The following PNLIP variants were observed in gnomAD, a reference collection of about 807,000 sequenced individuals.
PNLIP encodes pancreatic triacylglycerol lipase.
PNLIP carries 49 observed loss-of-function variants against 57.1 expected under a neutral mutation model. That is an observed-to-expected ratio of 0.86 (90% confidence interval 0.68 to 1.09). The LOEUF (loss-of-function observed/expected upper bound fraction) is 1.09, where lower values mean the gene tolerates loss of function less well. PNLIP is among the 50% of genes least tolerant of loss of function. The probability of loss-of-function intolerance (pLI) is 0.00; values close to 1 mark genes in which losing one functional copy is unlikely to be tolerated. For missense variants in PNLIP, 503 were observed against 570.2 expected, an observed-to-expected ratio of 0.88 and a Z score of 1.20; for synonymous variants, 209 against 200.4, an observed-to-expected ratio of 1.04 and a Z score of -0.36.
intron 9 of PNLIP, among the ~76,000 whole-genome samples, chr10:116,558,237 A>G (rs1414001974): frequency 7.1e-6 from 1 of 141,402 alleles, no homozygotes. Flanking sequence ...TCGCTCTGTC[A>G]CCCAGGCTGG....
At chr10:116,557,218 T>A (rs1158506741) in intron 9 of PNLIP, among the ~76,000 whole-genome samples, 1 of 152,100 alleles carries the variant, frequency 6.6e-6, no homozygotes, top group Non-Finnish European at 1.5e-5. Context: ...GGGAAAAAAA[T>A]AAAGAAGCAA....
chr10:116,556,757 C>T (rs1847258554), intron 9 of PNLIP, among the ~76,000 whole-genome samples: 1 of 151,342 alleles, frequency 6.6e-6, no homozygotes, highest in Non-Finnish European at 1.5e-5. Context: ...ATTGACTTTG[C>T]TTTGTACCAT....
chr10:116,554,324 ATAAC>A (rs1446341233), intron 6 of PNLIP, among the ~76,000 whole-genome samples: 1 of 152,232 alleles, frequency 6.6e-6, no homozygotes, highest in East Asian at 1.9e-4. Context: ...TGAAATTTGT[ATAAC>A]TAATTATATT....
At chr10:116,566,528 A>G (rs1847369164) in intron 12 of PNLIP, among the ~76,000 whole-genome samples, 1 of 152,078 alleles carries the variant, frequency 6.6e-6, no homozygotes, top group Non-Finnish European at 1.5e-5. Flanking sequence ...GTGTGTGTGA[A>G]AACGTATCAA....
At position 116,556,534 on chromosome 10, in the gene PNLIP, AT is replaced by A. The variant is rs921720663; in HGVS notation, c.930+425del. ...TCTGTGCAATTTCATAATGGCCAAA[AT>A]TTTTTTTTGAATTTTCATCTTATTT... On this transcript the variant is annotated intron_variant, in intron 9 of 12. Coordinates refer to ENST00000369221, the MANE Select transcript of PNLIP (RefSeq NM_000936.4). 2.8e-3 allele frequency among the ~76,000 whole-genome samples: 427 copies of A among 151,770 alleles called. 2 individuals are homozygous for A. The highest frequency in any genetic ancestry group is 9.8e-3 in the African/African-American group (404 of 41,408).
chr10:116,548,624 G>C, intron 4 of PNLIP, 142 bp downstream of exon 4: 2 of 898,998 alleles, frequency 2.2e-6, no homozygotes, highest in Non-Finnish European at 3.4e-6. Flanking sequence ...GAGTTCCTAG[G>C]GGAGGTCAAG....
At chr10:116,546,070 A>C in intron 1 of PNLIP, 23 bp from the exon 2 acceptor site, 2 of 1,611,968 alleles carry the variant, frequency 1.2e-6, no homozygotes, top group East Asian at 4.5e-5. Flanking sequence ...GCCAGACTCA[A>C]TCATGTTTTT....
intron 5 of PNLIP, among the ~76,000 whole-genome samples, chr10:116,552,933 T>C (rs1042097074): frequency 8.5e-5 from 13 of 152,068 alleles, no homozygotes; most frequent in Admixed American, 7.2e-4. Flanking sequence ...AAGAAAAATA[T>C]TTTAAATGAA....
chr10:116,566,473 A>G (rs778308939), intron 12 of PNLIP, among the ~76,000 whole-genome samples: 3 of 152,104 alleles, frequency 2.0e-5, no homozygotes, highest in Non-Finnish European at 2.9e-5. Context: ...AGATATGTTA[A>G]TAACTTTGAT....
In PNLIP at chr10:116,560,449, G is replaced by A. The variant is rs1251134738; in HGVS notation, c.1094G>A (p.Gly365Glu). 2.5e-6 allele frequency: 4 copies of A among 1,605,534 alleles called. No homozygotes were observed. The highest frequency in any genetic ancestry group is 3.4e-6 in the Non-Finnish European group (4 of 1,175,786). The change falls in exon 11 of 13, where the codon GGA becomes GAA. Residue 365 changes from glycine to glutamate, a missense_variant. Coordinates refer to ENST00000369221, the MANE Select transcript of PNLIP (RefSeq NM_000936.4). ...TATAAGGTATCTGTCACACTGTCTG[G>A]AAAAAAGGTTACAGGACACATACTA... Reference protein sequence around the residue: ...WRYKVSVTLSGKKVTGHILVS... With the variant: ...WRYKVSVTLSEKKVTGHILVS...
chr10:116,566,216 T>C (rs946493641), intron 12 of PNLIP, among the ~76,000 whole-genome samples: 1 of 152,240 alleles, frequency 6.6e-6, no homozygotes, highest in Non-Finnish European at 1.5e-5. Context: ...TACAATGGAA[T>C]ATTACTCAGC....
chr10:116,558,336 A>C (rs759418063), intron 9 of PNLIP, among the ~76,000 whole-genome samples: 4 of 151,412 alleles, frequency 2.6e-5, no homozygotes, highest in Non-Finnish European at 5.9e-5. Flanking sequence ...CTGGGACTAC[A>C]GGCGCCCGCC....
intron 10 of PNLIP, among the ~76,000 whole-genome samples, chr10:116,559,912 T>C (rs1847294939): frequency 6.6e-6 from 1 of 152,230 alleles, no homozygotes; most frequent in South Asian, 2.1e-4. Context: ...AACGTTCTTT[T>C]GGTTTTCATA....
chr10:116,556,560 T>C (rs1361022840), intron 9 of PNLIP, among the ~76,000 whole-genome samples: 1 of 152,196 alleles, frequency 6.6e-6, no homozygotes, highest in Non-Finnish European at 1.5e-5. Flanking sequence ...TCATCTTATT[T>C]GGTATTCTCT....
At chr10:116,565,774 C>T (rs1348625634) in intron 12 of PNLIP, among the ~76,000 whole-genome samples, 1 of 151,778 alleles carries the variant, frequency 6.6e-6, no homozygotes, top group Non-Finnish European at 1.5e-5. Context: ...GAGGCAAGAA[C>T]ACATATGATT....
chr10:116,564,282 A>T (rs1847343367), intron 12 of PNLIP, among the ~76,000 whole-genome samples: 1 of 152,198 alleles, frequency 6.6e-6, no homozygotes, highest in Non-Finnish European at 1.5e-5. Flanking sequence ...AAGACAAAAT[A>T]TTGAAAGCAG....
chr10:116,546,708 C>T (rs937813767), intron 2 of PNLIP, among the ~76,000 whole-genome samples: 2 of 152,180 alleles, frequency 1.3e-5, no homozygotes, highest in African/African-American at 2.4e-5. Flanking sequence ...TTACTCCTAC[C>T]ATTAATCTAG....
intron 6 of PNLIP, among the ~76,000 whole-genome samples, chr10:116,554,722 C>T (rs1037137468): frequency 3.3e-5 from 5 of 152,140 alleles, no homozygotes; most frequent in Non-Finnish European, 7.3e-5. Flanking sequence ...CGTTCATTTG[C>T]TGAAGGGGAG....
chr10:116,550,271 G>T (rs1847176669), intron 4 of PNLIP, among the ~76,000 whole-genome samples: 1 of 151,100 alleles, frequency 6.6e-6, no homozygotes, highest in Non-Finnish European at 1.5e-5. Context: ...TGTTAGCCAG[G>T]ATGGTCTCGA....
Sources: gnomAD v4.1 joint callset for allele counts (sites outside exome capture counted in the v4.1 genomes callset) on GRCh38, gnomAD v4.1.1 for gene constraint, MANE v1.5 for transcripts, NCBI Gene and HGNC (gene_info 2026-07-23, HGNC 2026-07-21) for gene names.